ZNG1B: variants seen among roughly 807,000 people sequenced by gnomAD.
The protein encoded by ZNG1B is Zn regulated GTPase metalloprotein activator 1B.
the ZNG1B span, among the ~76,000 whole-genome samples, chr2:113,475,248 CTTCT>C: frequency 1.7e-4 from 26 of 150,300 alleles, no homozygotes; most frequent in Admixed American, 1.1e-3. Context: ...ATGTAATGGC[CTTCT>C]TTGTCTCTTT....
At chr2:113,471,262 G>C in the ZNG1B span, among the ~76,000 whole-genome samples, 1 of 152,010 alleles carries the variant, frequency 6.6e-6, no homozygotes, top group African/African-American at 2.4e-5. Context: ...TGGTTGTTTG[G>C]AAATCATATT....
chr2:113,460,899 CT>C, the ZNG1B span, among the ~76,000 whole-genome samples: 556 of 151,350 alleles, frequency 3.7e-3, 8 homozygotes, highest in African/African-American at 0.013. Context: ...TAAACTTTTA[CT>C]TAAAGTCATT....
At chr2:113,439,257 T>C in the ZNG1B span, 7 of 1,469,360 alleles carry the variant, frequency 4.8e-6, no homozygotes, top group African/African-American at 8.5e-5. Context: ...TTCTTTTGGC[T>C]TCTATTACAT....
chr2:113,484,907 C>A, the ZNG1B span, among the ~76,000 whole-genome samples: 1 of 151,846 alleles, frequency 6.6e-6, no homozygotes. Context: ...CTCCTGACTT[C>A]ACCTGCTTCG....
At chr2:113,485,239 G>T in the ZNG1B span, among the ~76,000 whole-genome samples, 18 of 137,142 alleles carry the variant, frequency 1.3e-4, no homozygotes, top group Admixed American at 6.1e-4. Flanking sequence ...AAAATGAGAA[G>T]GTGAGAATCT....
the ZNG1B span, among the ~76,000 whole-genome samples, chr2:113,442,678 T>TC: frequency 6.6e-6 from 1 of 152,172 alleles, no homozygotes; most frequent in South Asian, 2.1e-4. Flanking sequence ...ATACTTTTCT[T>TC]CATGTTTCCT....
chr2:113,495,224 G>A, the ZNG1B span: 1 of 1,511,388 alleles, frequency 6.6e-7, no homozygotes, highest in Non-Finnish European at 8.9e-7. Flanking sequence ...ATGACACTGA[G>A]AGAACAAATC....
At chr2:113,480,293 C>G in the ZNG1B span, among the ~76,000 whole-genome samples, 1 of 151,712 alleles carries the variant, frequency 6.6e-6, no homozygotes, top group Non-Finnish European at 1.5e-5. Context: ...GGCTTGCACC[C>G]ATGCCTGGCT....
the ZNG1B span, among the ~76,000 whole-genome samples, chr2:113,439,310 A>G: frequency 2.0e-5 from 3 of 151,646 alleles, no homozygotes; most frequent in Non-Finnish European, 4.4e-5. Context: ...CTTCTTTTTA[A>G]GGCTCCCTCC....
At chr2:113,450,320 T>G in the ZNG1B span, among the ~76,000 whole-genome samples, 5 of 143,420 alleles carry the variant, frequency 3.5e-5, 1 homozygote, top group South Asian at 1.1e-3. Flanking sequence ...GTATTCTAAT[T>G]GCTTTGATTT....
chr2:113,462,424 G>T, the ZNG1B span: 2 of 1,599,092 alleles, frequency 1.3e-6, no homozygotes, highest in Non-Finnish European at 1.7e-6. Flanking sequence ...TGCTTTGGCA[G>T]ATGCCATTCT....
At chr2:113,474,741 T>G in the ZNG1B span, among the ~76,000 whole-genome samples, 1 of 152,096 alleles carries the variant, frequency 6.6e-6, no homozygotes, top group African/African-American at 2.4e-5. Flanking sequence ...TTCATTTTGT[T>G]ATGTACCCAG....
At chr2:113,485,175 G>A in the ZNG1B span, among the ~76,000 whole-genome samples, 7 of 144,074 alleles carry the variant, frequency 4.9e-5, no homozygotes, top group Non-Finnish European at 7.5e-5. Flanking sequence ...TTTTTTTGAC[G>A]GTAGGATTTT....
chr2:113,439,677 A>G, the ZNG1B span, among the ~76,000 whole-genome samples: 2 of 152,290 alleles, frequency 1.3e-5, no homozygotes, highest in South Asian at 4.1e-4. Context: ...TTGGCCCCGC[A>G]CAATGAACTA....
At chr2:113,438,531 C>CT in the ZNG1B span, among the ~76,000 whole-genome samples, 18 of 151,342 alleles carry the variant, frequency 1.2e-4, no homozygotes, top group African/African-American at 2.9e-4. Flanking sequence ...ATCTTAAACA[C>CT]TTTTTTTTTG....
chr2:113,477,151 T>C, the ZNG1B span, among the ~76,000 whole-genome samples: 1 of 152,178 alleles, frequency 6.6e-6, no homozygotes, highest in Non-Finnish European at 1.5e-5. Context: ...CTCAGACTGC[T>C]GTGCTAGCAA....
chr2:113,494,687 G>A, the ZNG1B span: 6 of 885,202 alleles, frequency 6.8e-6, no homozygotes, highest in Non-Finnish European at 8.1e-6. Flanking sequence ...TTCATTGATT[G>A]CAACCCATTT....
chr2:113,477,260 G>T, the ZNG1B span, among the ~76,000 whole-genome samples: 1 of 152,148 alleles, frequency 6.6e-6, no homozygotes, highest in African/African-American at 2.4e-5. Flanking sequence ...CGCAGTATTC[G>T]GGTGGGAGTG....
At chr2:113,453,535 G>A in the ZNG1B span, among the ~76,000 whole-genome samples, 181 of 151,394 alleles carry the variant, frequency 1.2e-3, no homozygotes, top group Middle Eastern at 3.4e-3. Context: ...TTACAGGCGT[G>A]AGCCACCACA....
Sources: gnomAD v4.1 joint callset for allele counts (sites outside exome capture counted in the v4.1 genomes callset) on GRCh38, gnomAD v4.1.1 for gene constraint, MANE v1.5 for transcripts, NCBI Gene and HGNC (gene_info 2026-07-23, HGNC 2026-07-21) for gene names.